The following CFAP69 variants were observed in gnomAD, a reference collection of about 807,000 sequenced individuals.
CFAP69 encodes the protein cilia- and flagella-associated protein 69.
Under a neutral mutation model 123.0 loss-of-function variants are expected in CFAP69, and 92 were observed. The observed-to-expected ratio is 0.75, with a 90% CI of 0.63 to 0.89. The LOEUF is 0.89. Among genes scored for constraint, CFAP69 ranks in the 40% least tolerant of loss-of-function variants. The pLI, the probability that CFAP69 is intolerant of heterozygous loss-of-function variation, is 0.00. For synonymous variants in CFAP69, 380 were observed against 364.3 expected (o/e 1.04, Z -0.49); for missense variants, 1,067 against 1,096.9 (o/e 0.97, Z 0.39).
chr7:90,286,740 C>A (rs994254643), intron 14 of CFAP69, among the ~76,000 whole-genome samples: 26 of 152,214 alleles, frequency 1.7e-4, no homozygotes, highest in African/African-American at 6.3e-4. Context: ...TGGAATCGCA[C>A]AATATTTACT....
the CFAP69 span, chr7:90,317,234 A>G: frequency 6.6e-6 from 1 of 152,186 alleles, no homozygotes; most frequent in African/African-American, 2.4e-5. Flanking sequence ...TCTCAAATGA[A>G]TCATCACTTT....
At chr7:90,297,513 G>T (rs938401798) in intron 15 of CFAP69, among the ~76,000 whole-genome samples, 24 of 152,070 alleles carry the variant, frequency 1.6e-4, no homozygotes, top group African/African-American at 5.6e-4. Context: ...TTTATTTGTA[G>T]GAAAGAAATA....
intron 21 of CFAP69, 33 bp downstream of exon 21, chr7:90,307,887 C>A: frequency 5.8e-6 from 8 of 1,372,530 alleles, no homozygotes; most frequent in South Asian, 1.2e-5. Context: ...GTATCCACAA[C>A]AAATAGCCAA....
intron 2 of CFAP69, 136 bp from the exon 3 acceptor site, chr7:90,257,962 A>T: frequency 1.6e-6 from 1 of 613,874 alleles, no homozygotes; most frequent in Non-Finnish European, 2.8e-6. Flanking sequence ...AAAACATTTT[A>T]TAACGTTTAC....
At chr7:90,272,044 G>A in intron 8 of CFAP69, 86 bp downstream of exon 8, 6 of 1,255,290 alleles carry the variant, frequency 4.8e-6, no homozygotes, top group South Asian at 1.7e-5. Context: ...TTGAATCTGT[G>A]TTCAATTATG....
At chr7:90,322,682 A>C in the CFAP69 span, 3 of 152,180 alleles carry the variant, frequency 2.0e-5, no homozygotes, top group Non-Finnish European at 2.9e-5. Flanking sequence ...AAACCTATTG[A>C]AAAGTTGTAA....
At chr7:90,276,512 A>C (rs1039920067) in intron 9 of CFAP69, among the ~76,000 whole-genome samples, 6 of 152,216 alleles carry the variant, frequency 3.9e-5, no homozygotes, top group African/African-American at 1.2e-4. Context: ...CCTAATGTGC[A>C]AAATCCAACT....
At chr7:90,289,293 C>G (rs775280110) in intron 15 of CFAP69, among the ~76,000 whole-genome samples, 5 of 152,004 alleles carry the variant, frequency 3.3e-5, no homozygotes, top group Non-Finnish European at 5.9e-5. Context: ...GAGGTTTCTC[C>G]TTTTTCCACA....
intron 15 of CFAP69, among the ~76,000 whole-genome samples, chr7:90,294,341 A>T (rs1791617302): frequency 6.6e-6 from 1 of 152,210 alleles, no homozygotes. Flanking sequence ...TGATTTCCCT[A>T]AGATTACTAA....
At chr7:90,255,224 G>A (rs1797498644) in intron 1 of CFAP69, among the ~76,000 whole-genome samples, 199 bp from the exon 2 acceptor site, 1 of 152,154 alleles carries the variant, frequency 6.6e-6, no homozygotes, top group African/African-American at 2.4e-5. Flanking sequence ...CAAAATACTA[G>A]AATTCAGGAG....
At chr7:90,285,528 C>G (rs978415827) in intron 13 of CFAP69, among the ~76,000 whole-genome samples, 3 of 152,068 alleles carry the variant, frequency 2.0e-5, no homozygotes, top group Non-Finnish European at 4.4e-5. Context: ...CAACTGGAAG[C>G]AAAAGAGGGA....
At chr7:90,321,770 C>T in the CFAP69 span, among the ~76,000 whole-genome samples, 1 of 152,164 alleles carries the variant, frequency 6.6e-6, no homozygotes, top group Non-Finnish European at 1.5e-5. Flanking sequence ...CGCAAACATA[C>T]CCTTGCTTCT....
At chr7:90,299,790 TTC>T (rs1408474419) in intron 16 of CFAP69, 75 bp from the exon 17 acceptor site, 5 of 1,164,404 alleles carry the variant, frequency 4.3e-6, no homozygotes, top group East Asian at 5.4e-5. Context: ...ATAGAAGTGT[TTC>T]TCTCTTTTTT....
chr7:90,258,137 C>T lies in CFAP69; in HGVS notation c.220C>T (p.Leu74=). 6.2e-7 allele frequency: 1 copy of T among 1,610,496 alleles called. No homozygotes were observed. Among genetic ancestry groups the T allele is most frequent in the Non-Finnish European group, 8.5e-7 (1 of 1,178,104 alleles). ...AAAACAACTTAAATTTGTCAAGAAA[C>T]TGGTACAGTGTTATCAGAATGGACT... The part of the protein sequence containing the change: ...EEKQLKFVKK[L]VQCYQNGLPL... The change falls in exon 3 of 23, where the codon CTG becomes TTG. Residue 74 remains leucine, a synonymous_variant. Transcript: ENST00000389297.
chr7:90,322,158 T>C, the CFAP69 span: 1 of 152,304 alleles, frequency 6.6e-6, no homozygotes, highest in Non-Finnish European at 1.5e-5. Flanking sequence ...TCTCATCCTG[T>C]TGGTGGAGCT....
chr7:90,304,823 A>T lies in CFAP69; in HGVS notation c.2265+3A>T, dbSNP rs1161275675. 1.4e-6 allele frequency: 2 copies of T among 1,441,562 alleles called. No individual in the cohort carries two copies. The highest frequency in any genetic ancestry group is 2.8e-5 in the African/African-American group (2 of 70,448). The allele number at this position is 1,441,562 out of a possible 1,614,324, so 89.3% of individuals were successfully genotyped here. A position where few individuals can be genotyped will look rare whatever the true frequency, so the allele number is the denominator to read the frequency against. On this transcript the variant is annotated splice_donor_region_variant and intron_variant, in intron 19 of 22. Transcript: ENST00000389297. ...TACATAGATATCTTGATTTTAAAGT[A>T]AGTATCTTTTTAATAACCTGATTAT...
In CFAP69 at chr7:90,278,970, C is replaced by T. The variant is rs545869232; in HGVS notation, c.1156-707C>T. Among the ~76,000 whole-genome samples, 15 of 152,124 alleles carry T rather than the reference C, an allele frequency of 9.9e-5. No individual in the cohort carries two copies. The South Asian group carries it at 3.1e-3, about 32-fold the overall frequency. On this transcript the variant is annotated intron_variant, in intron 11 of 22. Coordinates refer to ENST00000389297, the MANE Select transcript of CFAP69 (RefSeq NM_001039706.3). Reference sequence around the variant, plus strand: ...CAAATTAAAAGAAAATTAAATATAGCATATGGTGTTTTATTCTCTTGTGAA... The same window carrying T: ...CAAATTAAAAGAAAATTAAATATAGTATATGGTGTTTTATTCTCTTGTGAA...
At chr7:90,319,340 AAT>A in the CFAP69 span, 1 of 398,598 alleles carries the variant, frequency 2.5e-6, no homozygotes, top group East Asian at 3.6e-5. Context: ...TATTCTCTTA[AAT>A]ACACATTTAA....
intron 14 of CFAP69, among the ~76,000 whole-genome samples, chr7:90,287,099 A>T (rs1790407721): frequency 2.0e-5 from 3 of 151,954 alleles, no homozygotes; most frequent in Admixed American, 1.3e-4. Flanking sequence ...AAAAAAAAAA[A>T]AAAAAGATAG....
Sources: allele counts gnomAD v4.1 joint callset (sites outside exome capture counted in the v4.1 genomes callset), GRCh38; gene constraint gnomAD v4.1.1; transcripts MANE v1.5; gene names NCBI Gene and HGNC (gene_info 2026-07-23, HGNC 2026-07-21).